The following NUP155 variants were observed in gnomAD, a reference collection of about 807,000 sequenced individuals.
The protein encoded by NUP155 is nuclear pore complex protein Nup155.
In NUP155, 71 loss-of-function variants were observed where a neutral mutation model predicts 180.4. That is an observed-to-expected ratio of 0.39 (90% CI 0.33 to 0.48). The LOEUF is 0.48. Ranked by LOEUF, NUP155 falls within the 20% of genes least tolerant of loss-of-function variation. The probability of loss-of-function intolerance (pLI) is 0.91; values close to 1 mark genes in which losing one functional copy is unlikely to be tolerated. For synonymous variants in NUP155, 582 were observed against 559.5 expected (o/e 1.04, Z -0.57); for missense variants, 1,553 against 1,648.9 (o/e 0.94, Z 1.01).
chr5:37,348,307 A>AAAAT (rs56758251), intron 9 of NUP155, among the ~76,000 whole-genome samples, 198 bp downstream of exon 9: 10,456 of 151,588 alleles, frequency 0.069, 385 homozygotes, highest in South Asian at 0.12. Flanking sequence ...CTGTCTCAAA[A>AAAAT]AAATAAATAA....
intron 33 of NUP155, among the ~76,000 whole-genome samples, chr5:37,293,682 T>C (rs1376188382): frequency 6.6e-6 from 1 of 152,200 alleles, no homozygotes; most frequent in Non-Finnish European, 1.5e-5. Flanking sequence ...ATAAATACAA[T>C]GTAATCTTGT....
chr5:37,323,483 C>T (rs1420173580), intron 20 of NUP155, among the ~76,000 whole-genome samples: 2 of 151,874 alleles, frequency 1.3e-5, no homozygotes, highest in Non-Finnish European at 2.9e-5. Context: ...TGCATACTTC[C>T]ATTTATATAA....
intron 25 of NUP155, among the ~76,000 whole-genome samples, chr5:37,306,157 G>A (rs1743141365): frequency 6.6e-6 from 1 of 151,952 alleles, no homozygotes; most frequent in Non-Finnish European, 1.5e-5. Context: ...TTGGGAGGCT[G>A]AGAAGAAAGG....
chr5:37,345,848 G>C (rs1047056460), intron 9 of NUP155, among the ~76,000 whole-genome samples: 3 of 147,024 alleles, frequency 2.0e-5, no homozygotes, highest in African/African-American at 7.6e-5. Context: ...AGGGTGCAGT[G>C]AGCTGAGACT....
chr5:37,335,189 C>T (rs1221516488), intron 12 of NUP155, among the ~76,000 whole-genome samples: 1 of 150,812 alleles, frequency 6.6e-6, no homozygotes, highest in African/African-American at 2.4e-5. Flanking sequence ...TTTTACCAGC[C>T]TAGGCAATAT....
intron 26 of NUP155, 104 bp from the exon 27 acceptor site, chr5:37,304,947 A>G (rs1463295951): frequency 3.3e-6 from 5 of 1,516,162 alleles, no homozygotes; most frequent in Non-Finnish European, 4.6e-6. Flanking sequence ...GAATCCTTAC[A>G]TGATAACTTC....
intron 27 of NUP155, 121 bp from the exon 28 acceptor site, chr5:37,303,535 A>G: frequency 1.2e-6 from 1 of 813,174 alleles, no homozygotes; most frequent in Non-Finnish European, 2.0e-6. Context: ...AAAACAAGCA[A>G]AATTATAATC....
chr5:37,317,761 C>T (rs1314587379), intron 21 of NUP155, among the ~76,000 whole-genome samples: 1 of 146,744 alleles, frequency 6.8e-6, no homozygotes, highest in African/African-American at 2.5e-5. Context: ...GATCTCAGCT[C>T]ACTGCAACCT....
chr5:37,361,539 CATG>C, intron 3 of NUP155, among the ~76,000 whole-genome samples: 1 of 152,290 alleles, frequency 6.6e-6, no homozygotes, highest in African/African-American at 2.4e-5. Flanking sequence ...CCTCTTACAT[CATG>C]CCATTCCACA....
At chr5:37,307,230 A>C in intron 25 of NUP155, 67 bp downstream of exon 25, 4 of 1,535,066 alleles carry the variant, frequency 2.6e-6, no homozygotes, top group Non-Finnish European at 3.6e-6. Flanking sequence ...ACAAAAAACA[A>C]AAAACATTAT....
chr5:37,315,260 C>T (rs1415006612), intron 21 of NUP155, among the ~76,000 whole-genome samples: 5 of 152,054 alleles, frequency 3.3e-5, no homozygotes, highest in Non-Finnish European at 7.4e-5. Context: ...AGTTCTATCA[C>T]GGCCAGAAAA....
intron 4 of NUP155, among the ~76,000 whole-genome samples, chr5:37,355,741 G>T (rs1200476562): frequency 6.6e-6 from 1 of 151,606 alleles, no homozygotes; most frequent in African/African-American, 2.4e-5. Context: ...ACCAAGCCCA[G>T]CTAATTTTTT....
intron 1 of NUP155, among the ~76,000 whole-genome samples, chr5:37,367,114 C>A (rs543363371): frequency 4.0e-5 from 6 of 151,700 alleles, no homozygotes; most frequent in African/African-American, 1.5e-4. Flanking sequence ...GGTGCAATCA[C>A]AGCTCAGGGC....
intron 5 of NUP155, among the ~76,000 whole-genome samples, chr5:37,352,046 C>T (rs1340209335): frequency 1.3e-5 from 2 of 151,854 alleles, no homozygotes; most frequent in Non-Finnish European, 2.9e-5. Context: ...AACATGAAGA[C>T]ACCCCGTCTC....
intron 4 of NUP155, among the ~76,000 whole-genome samples, chr5:37,356,432 C>G (rs1211311991): frequency 6.6e-6 from 1 of 151,974 alleles, no homozygotes; most frequent in Non-Finnish European, 1.5e-5. Context: ...CACCTGAGGT[C>G]AGGAGTTCGA....
chr5:37,323,192 GGAGAA>G (rs142307712), intron 20 of NUP155, among the ~76,000 whole-genome samples: 9,488 of 152,210 alleles, frequency 0.062, 943 homozygotes, highest in African/African-American at 0.21. Flanking sequence ...GGCTGAGGCA[GGAGAA>G]TTGCTTGAAC....
At chr5:37,335,239 G>C (rs150156166) in intron 12 of NUP155, among the ~76,000 whole-genome samples, 1 of 151,266 alleles carries the variant, frequency 6.6e-6, no homozygotes, top group Non-Finnish European at 1.5e-5. Context: ...AAACCACCTC[G>C]GTGTGGTGGC....
At chr5:37,309,375 T>C (rs1743383158) in intron 23 of NUP155, 108 bp from the exon 24 acceptor site, 9 of 921,628 alleles carry the variant, frequency 9.8e-6, no homozygotes, top group South Asian at 7.8e-5. Context: ...GTTATTACCA[T>C]TAAAATGAAA....
intron 2 of NUP155, 90 bp downstream of exon 2, chr5:37,364,157 T>A: frequency 8.4e-7 from 1 of 1,194,994 alleles, no homozygotes. Flanking sequence ...AATGAATATA[T>A]AACACATTAA....
Sources: allele counts gnomAD v4.1 joint callset (sites outside exome capture counted in the v4.1 genomes callset), GRCh38; gene constraint gnomAD v4.1.1; transcripts MANE v1.5; gene names NCBI Gene and HGNC (gene_info 2026-07-23, HGNC 2026-07-21).